Variants in FOXP2 observed in about 807,000 individuals in gnomAD.
The protein encoded by FOXP2 is forkhead box protein P2.
FOXP2 carries 12 observed loss-of-function variants against 115.8 expected under a neutral mutation model. That is an observed-to-expected ratio of 0.10 (90% confidence interval 0.07 to 0.17). The LOEUF (loss-of-function observed/expected upper bound fraction) is 0.17, where lower values mean the gene tolerates loss of function less well. Among genes scored for constraint, FOXP2 ranks in the 10% least tolerant of loss-of-function variants. The pLI is 1.00. For missense variants in FOXP2, 629 were observed against 843.5 expected (o/e 0.75, Z 3.15); for synonymous variants, 328 against 297.7 (o/e 1.10, Z -1.05).
At chr7:114,127,692 A>C (rs1195489802) in intron 1 of FOXP2, among the ~76,000 whole-genome samples, 1 of 152,156 alleles carries the variant, frequency 6.6e-6, no homozygotes, top group Non-Finnish European at 1.5e-5. Context: ...TTTTATCTAA[A>C]ATGTTCTTTG....
At chr7:114,416,892 T>C (rs559764468) in intron 1 of FOXP2, among the ~76,000 whole-genome samples, 2 of 150,264 alleles carry the variant, frequency 1.3e-5, no homozygotes, top group South Asian at 4.1e-4. Context: ...GAAAACAACT[T>C]GTTTGACTTT....
intron 2 of FOXP2, among the ~76,000 whole-genome samples, chr7:114,529,969 T>G (rs1431960028): frequency 6.6e-6 from 1 of 151,900 alleles, no homozygotes; most frequent in Admixed American, 6.6e-5. Context: ...GAAAACTTAT[T>G]TTATGTTTCG....
intron 1 of FOXP2, among the ~76,000 whole-genome samples, chr7:114,134,861 G>A (rs1230260011): frequency 6.6e-6 from 1 of 152,046 alleles, no homozygotes; most frequent in Admixed American, 6.5e-5. Flanking sequence ...TTAACTTACC[G>A]TAAACATTTT....
intron 2 of FOXP2, among the ~76,000 whole-genome samples, chr7:114,366,889 T>C (rs1216060680): frequency 6.6e-6 from 1 of 152,126 alleles, no homozygotes; most frequent in Non-Finnish European, 1.5e-5. Context: ...AGGGGAATTA[T>C]ACTACAGCCT....
intron 1 of FOXP2, among the ~76,000 whole-genome samples, chr7:114,226,383 G>A (rs1270137903): frequency 6.6e-6 from 1 of 152,046 alleles, no homozygotes; most frequent in African/African-American, 2.4e-5. Context: ...TATTGTCATC[G>A]GTTGTTCTCA....
chr7:114,402,043 A>T (rs1167727726), intron 2 of FOXP2, among the ~76,000 whole-genome samples: 3 of 152,266 alleles, frequency 2.0e-5, no homozygotes, highest in Admixed American at 2.0e-4. Context: ...ATTCCCTTGA[A>T]CCCGTGAGGC....
chr7:114,309,522 G>A (rs1797093687), intron 2 of FOXP2, among the ~76,000 whole-genome samples: 1 of 152,196 alleles, frequency 6.6e-6, no homozygotes, highest in African/African-American at 2.4e-5. Flanking sequence ...AATAGTGGTA[G>A]TCTGGCTGGG....
chr7:114,550,593 G>A (rs1348286839), intron 3 of FOXP2, among the ~76,000 whole-genome samples: 1 of 152,118 alleles, frequency 6.6e-6, no homozygotes, highest in African/African-American at 2.4e-5. Flanking sequence ...GAACATTGAA[G>A]TTATTCAATG....
At chr7:114,089,833 C>G (rs1799508130) in intron 1 of FOXP2, among the ~76,000 whole-genome samples, 5 of 151,898 alleles carry the variant, frequency 3.3e-5, no homozygotes, top group Admixed American at 3.3e-4. Flanking sequence ...AAACAAGTCT[C>G]TTTGCATAGA....
intron 7 of FOXP2, 120 bp from the exon 8 acceptor site, chr7:114,644,565 T>C: frequency 1.3e-6 from 1 of 775,050 alleles, no homozygotes; most frequent in Non-Finnish European, 2.3e-6. Context: ...TTCTGACTGC[T>C]CTGAGCTGAA....
chr7:114,565,708 C>T (rs1800987808), intron 3 of FOXP2, among the ~76,000 whole-genome samples: 1 of 152,076 alleles, frequency 6.6e-6, no homozygotes, highest in Non-Finnish European at 1.5e-5. Context: ...TCCACACCAC[C>T]ATCTTCTCAA....
intron 1 of FOXP2, among the ~76,000 whole-genome samples, chr7:114,285,836 G>A (rs1193776177): frequency 5.3e-5 from 8 of 151,952 alleles, no homozygotes; most frequent in African/African-American, 1.9e-4. Context: ...GAATATATAA[G>A]TATATGTTAA....
At chr7:114,494,581 C>A (rs904083151) in intron 2 of FOXP2, among the ~76,000 whole-genome samples, 3 of 151,866 alleles carry the variant, frequency 2.0e-5, no homozygotes. Context: ...TTTCTCAGAC[C>A]GCTAGTAATT....
intron 2 of FOXP2, among the ~76,000 whole-genome samples, chr7:114,480,416 T>A (rs2129236810): frequency 6.6e-6 from 1 of 151,724 alleles, no homozygotes; most frequent in South Asian, 2.1e-4. Context: ...AATTTTAAGT[T>A]GGTGTCCACT....
At chr7:114,388,394 CTT>C (rs753810702) in intron 2 of FOXP2, among the ~76,000 whole-genome samples, 10 of 104,788 alleles carry the variant, frequency 9.5e-5, no homozygotes, top group Non-Finnish European at 8.7e-5. Flanking sequence ...GAACTTATCT[CTT>C]TTTTTTTTTT....
intron 13 of FOXP2, among the ~76,000 whole-genome samples, chr7:114,661,639 T>A (rs1303290733): frequency 6.6e-6 from 1 of 152,110 alleles, no homozygotes; most frequent in African/African-American, 2.4e-5. Context: ...TGTGCAAAAT[T>A]AACACTTGTC....
At chr7:114,568,625 G>A (rs935134902) in intron 3 of FOXP2, among the ~76,000 whole-genome samples, 1 of 151,784 alleles carries the variant, frequency 6.6e-6, no homozygotes, top group African/African-American at 2.4e-5. Context: ...GCCTCAGGCA[G>A]CTTCCATCCC....
rs562167155 is a variant in FOXP2 at position 114,409,011 on chromosome 7, G to A, written c.-10-17491G>A. ...AACAAAATAATATACTAAATGTAAA[G>A]GTTAAGCATTTTATTTTGTTAGATA... On this transcript the variant is annotated intron_variant, in intron 2 of 17. Transcript: ENST00000634411. Among the ~76,000 whole-genome samples, 79 of 151,986 alleles carry A rather than the reference G, an allele frequency of 5.2e-4. 1 individual carries two copies. Among genetic ancestry groups the A allele is most frequent in the Non-Finnish European group, 5.9e-4 (40 of 67,956 alleles).
intron 2 of FOXP2, among the ~76,000 whole-genome samples, chr7:114,512,204 G>T (rs1375253776): frequency 4.6e-5 from 7 of 152,132 alleles, no homozygotes; most frequent in Admixed American, 4.6e-4. Flanking sequence ...AAAGTGAACA[G>T]AAAGGCAGAG....
Sources: allele counts gnomAD v4.1 joint callset (sites outside exome capture counted in the v4.1 genomes callset), GRCh38; gene constraint gnomAD v4.1.1; transcripts MANE v1.5; gene names NCBI Gene and HGNC (gene_info 2026-07-23, HGNC 2026-07-21).